The following CHD2 variants were observed in gnomAD, a reference collection of about 807,000 sequenced individuals.
CHD2 encodes the protein chromodomain helicase DNA binding protein 2.
Under a neutral mutation model 243.9 loss-of-function variants are expected in CHD2, and 28 were observed. The observed-to-expected ratio is 0.11, with a 90% confidence interval of 0.09 to 0.16. The LOEUF (loss-of-function observed/expected upper bound fraction) is 0.16, where lower values mean the gene tolerates loss of function less well. Ranked by LOEUF, CHD2 falls within the 10% of genes least tolerant of loss-of-function variation. The pLI is 1.00. For missense variants in CHD2, 1,386 were observed against 2,209.8 expected (o/e 0.63, Z 7.47); for synonymous variants, 775 against 779.0 (o/e 0.99, Z 0.09).
intron 10 of CHD2, 163 bp from the exon 11 acceptor site, chr15:92,945,658 A>C: frequency 2.6e-6 from 1 of 385,534 alleles, no homozygotes. Flanking sequence ...TTGGCCTCCC[A>C]AAGTGCTGGG....
rs1425614499 is a variant in CHD2, at chr15:92,979,277, G to A, written c.2870G>A (p.Arg957Lys). 1 of 1,613,552 alleles carries A rather than the reference G, an allele frequency of 6.2e-7. No individual in the cohort carries two copies. The highest frequency in any genetic ancestry group is 8.5e-7 in the Non-Finnish European group (1 of 1,179,844). The stretch of plus-strand genomic sequence containing the variant: ...ACGATCCTGGAAAACAACTCAGGAA[G>A]GTCCAAGTAAGTGCCAGGAAGATTG... ...GRTILENNSG[R>K]SNSNPFNKEE... Residue 957 changes from arginine (R) to lysine (K), a missense_variant, in exon 22 of 39, where the codon AGG (arginine) becomes AAG (lysine). Physicochemically the swap from Arg to Lys is conservative, Grantham distance 26. This residue lies in a region of CHD2 where 99 missense variants were observed against 206.4 expected (regional missense o/e 0.48). Transcript: ENST00000394196.
intron 2 of CHD2, among the ~76,000 whole-genome samples, chr15:92,924,050 A>G (rs1159538616): frequency 6.6e-6 from 1 of 152,164 alleles, no homozygotes; most frequent in Non-Finnish European, 1.5e-5. Flanking sequence ...AGTAATATCC[A>G]TGTTCAGAGT....
chr15:92,960,693 C>CATCTGTT (rs1474026370), intron 16 of CHD2, among the ~76,000 whole-genome samples: 1 of 112,830 alleles, frequency 8.9e-6, no homozygotes, highest in Non-Finnish European at 2.0e-5. Flanking sequence ...AAGATTTTTG[C>CATCTGTT]ATCTGTTTGG....
intron 37 of CHD2, 143 bp from the exon 38 acceptor site, chr15:93,019,869 A>C (rs1044495733): frequency 2.1e-6 from 2 of 970,108 alleles, no homozygotes; most frequent in Non-Finnish European, 3.0e-6. Flanking sequence ...AGAGATGGAG[A>C]TTGCAGTGAT....
chr15:93,007,918 T>C (rs2054342008), intron 34 of CHD2, among the ~76,000 whole-genome samples: 1 of 152,240 alleles, frequency 6.6e-6, no homozygotes, highest in Admixed American at 6.5e-5. Flanking sequence ...CTTTCCATTG[T>C]TCACGTTACA....
chr15:92,942,907 C>A lies in CHD2; in HGVS notation c.891C>A (p.Asp297Glu). ...ATGGCGACCCTAGTGGTGACTTTGACACTGAAAAGGATGAAGGTGAAATCC... is the reference window on the plus strand; with the variant it reads ...ATGGCGACCCTAGTGGTGACTTTGAAACTGAAAAGGATGAAGGTGAAATCC... Reference protein sequence around the residue: ...EANGDPSGDFDTEKDEGEIQY... With the variant: ...EANGDPSGDFETEKDEGEIQY... Residue 297 changes from aspartate to glutamate, a missense_variant, in exon 9 of 39, where the codon GAC (aspartate) becomes GAA (glutamate). Asp to Glu is a conservative substitution (Grantham distance 45). Around this residue, in one of 19 missense-constraint regions of CHD2, gnomAD observed 200 missense variants for 292.5 expected, o/e 0.68. Transcript: ENST00000394196. 1 of 1,613,992 alleles carries A rather than the reference C, an allele frequency of 6.2e-7. No homozygotes were observed. The highest frequency in any genetic ancestry group is 8.5e-7 in the Non-Finnish European group (1 of 1,179,974).
chr15:92,940,323 C>T (rs2053339122), intron 7 of CHD2, among the ~76,000 whole-genome samples: 1 of 152,048 alleles, frequency 6.6e-6, no homozygotes, highest in Non-Finnish European at 1.5e-5. Context: ...GTGGTGGCGG[C>T]ATGCACCTGC....
intron 4 of CHD2, among the ~76,000 whole-genome samples, chr15:92,928,618 C>T (rs1356903934): frequency 6.6e-6 from 1 of 152,248 alleles, no homozygotes; most frequent in East Asian, 1.9e-4. Context: ...CCACTACTCA[C>T]ATGTGGCTTT....
intron 26 of CHD2, among the ~76,000 whole-genome samples, chr15:92,988,953 C>CT (rs1371875314): frequency 6.6e-6 from 1 of 151,170 alleles, no homozygotes; most frequent in Admixed American, 6.6e-5. Flanking sequence ...TCTTATAAGC[C>CT]TACATGCTAG....
At chr15:93,011,212 A>G (rs2054390005) in intron 35 of CHD2, among the ~76,000 whole-genome samples, 1 of 152,168 alleles carries the variant, frequency 6.6e-6, no homozygotes. Context: ...CGCCCTTTAC[A>G]AGTCAAAAAA....
rs1024447747 is a variant in CHD2 at position 92,904,716 on chromosome 15, T to C, written c.62+3417T>C. 5.7e-6 allele frequency: 8 copies of C among 1,399,150 alleles called. No homozygotes were observed. In the African/African-American group the frequency reaches 1.2e-4, roughly 20 times the overall value. 86.7% of individuals were successfully genotyped at this position (1,399,150 alleles called of 1,614,324 possible). A position where few individuals can be genotyped will look rare whatever the true frequency, so the allele number is the denominator to read the frequency against. ...TTTTAAAGGCACTATTTGGAAATCT[T>C]AAAATAGAAAATTTGCCCAGTTTTA... On this transcript the variant is annotated intron_variant, in intron 2 of 38. Transcript: ENST00000394196.
Position 92,972,719 on chromosome 15 carries a change from C to T in CHD2, c.2505+302C>T, listed in dbSNP as rs1164697041. ...ACAAAAAATTAGCCGGGCGTAGTGGCGGGCGCCTGTAGTCCCAGCTACTTG... is the reference window on the plus strand; with the variant it reads ...ACAAAAAATTAGCCGGGCGTAGTGGTGGGCGCCTGTAGTCCCAGCTACTTG... On this transcript the variant is annotated intron_variant, in intron 19 of 38. Coordinates refer to ENST00000394196, the MANE Select transcript of CHD2 (RefSeq NM_001271.4). Among the ~76,000 whole-genome samples, 6 of 48,730 alleles carry T rather than the reference C, an allele frequency of 1.2e-4. 1 individual carries two copies. Among genetic ancestry groups the T allele is most frequent in the African/African-American group, 2.6e-4 (6 of 22,878 alleles). 32.0% of individuals were successfully genotyped at this position (48,730 alleles called of 152,430 possible).
At chr15:92,956,724 A>G (rs937984531) in intron 16 of CHD2, 75 bp downstream of exon 16, 1 of 1,378,742 alleles carries the variant, frequency 7.3e-7, no homozygotes, top group African/African-American at 1.5e-5. Context: ...TTCTTAGTAG[A>G]CCTTAGGGAA....
chr15:93,012,991 C>G (rs2054411673), intron 36 of CHD2, among the ~76,000 whole-genome samples: 1 of 152,158 alleles, frequency 6.6e-6, no homozygotes, highest in Non-Finnish European at 1.5e-5. Flanking sequence ...TGGGCTGTAC[C>G]CAAGTTGGAC....
chr15:92,933,791 A>G (rs1206582644), intron 5 of CHD2, among the ~76,000 whole-genome samples: 5 of 152,106 alleles, frequency 3.3e-5, no homozygotes, highest in Non-Finnish European at 7.4e-5. Flanking sequence ...TTTTTTGTAA[A>G]GGCTGGGTCT....
At chr15:92,964,169 T>C (rs1469945259) in intron 16 of CHD2, among the ~76,000 whole-genome samples, 1 of 152,242 alleles carries the variant, frequency 6.6e-6, no homozygotes, top group Non-Finnish European at 1.5e-5. Flanking sequence ...TTTGGCCAGT[T>C]GAATCAATTA....
At chr15:92,977,231 A>G (rs1339610649) in intron 20 of CHD2, among the ~76,000 whole-genome samples, 2 of 152,154 alleles carry the variant, frequency 1.3e-5, no homozygotes, top group African/African-American at 4.8e-5. Flanking sequence ...ATGTGCCTGG[A>G]CACTCCTGTT....
At chr15:92,958,714 C>T (rs1335445517) in intron 16 of CHD2, among the ~76,000 whole-genome samples, 1 of 152,202 alleles carries the variant, frequency 6.6e-6, no homozygotes, top group Non-Finnish European at 1.5e-5. Flanking sequence ...GAAAGCAATA[C>T]ACTTTCAGTA....
chr15:93,017,278 C>T (rs1336735825), intron 37 of CHD2, among the ~76,000 whole-genome samples: 2 of 151,974 alleles, frequency 1.3e-5, no homozygotes, highest in African/African-American at 2.4e-5. Context: ...GAATCTTAGT[C>T]CTTCTAGTCC....
Sources: gnomAD v4.1 joint callset for allele counts (sites outside exome capture counted in the v4.1 genomes callset) on GRCh38, gnomAD v4.1.1 for gene constraint, gnomAD v4.1.1 regional missense constraint, MANE v1.5 for transcripts, NCBI Gene and HGNC (gene_info 2026-07-23, HGNC 2026-07-21) for gene names.